INSYN1: variants seen among roughly 807,000 people sequenced by gnomAD.
INSYN1 encodes the protein UPF0583 protein C15orf59.
INSYN1 carries 7 observed loss-of-function variants against 17.1 expected under a neutral mutation model. The observed-to-expected ratio is 0.41, with a 90% CI of 0.23 to 0.77. The LOEUF is 0.77. Ranked by LOEUF, INSYN1 falls within the 30% of genes least tolerant of loss-of-function variation. INSYN1 has a pLI of 0.32. For missense variants in INSYN1, 339 were observed against 400.6 expected, an observed-to-expected ratio of 0.85 and a Z score of 1.31; for synonymous variants, 174 against 166.3, an observed-to-expected ratio of 1.05 and a Z score of -0.36.
rs1901649997 is a variant in INSYN1 at position 73,740,210 on chromosome 15, G to A, written c.589C>T (p.Leu197=). 1 of 1,614,026 alleles carries A rather than the reference G, an allele frequency of 6.2e-7. No individual in the cohort carries two copies. Among genetic ancestry groups the A allele is most frequent in the Admixed American group, 1.7e-5 (1 of 60,008 alleles). The change falls in exon 3 of 3, where the codon CTG becomes TTG. Residue 197 remains leucine (L), a synonymous_variant. Coordinates refer to ENST00000569673, the MANE Select transcript of INSYN1 (RefSeq NM_001039614.3). ...TCCCCCTCCTCATCGTCACAGCACA[G>A]AGCATGGTAGAGCACTTTGTCACTG... ...RFSDKVLYHA[L]CCDDEEGDGE... is the part of the protein sequence containing the mutation.
rs374774515 is a variant in INSYN1 at position 73,751,110 on chromosome 15, C to G, written c.21G>C (p.Pro7=). 1.2e-5 allele frequency: 20 copies of G among 1,613,754 alleles called. No individual in the cohort carries two copies. The highest frequency in any genetic ancestry group is 1.7e-5 in the Non-Finnish European group (20 of 1,180,042). ...GGTCGTCACTGGGCTGCCCGAGGTC[C>G]GGGGCGCCCCGAATGTTCATCGTTT... MNIRGA[P]DLGQPSDDPS... The change falls in exon 2 of 3, where the codon CCG becomes CCC. Residue 7 remains proline (P), a synonymous_variant. Transcript: ENST00000569673.
At chr15:73,749,938 T>C (rs1012179328) in intron 2 of INSYN1, among the ~76,000 whole-genome samples, 9 of 152,012 alleles carry the variant, frequency 5.9e-5, no homozygotes, top group Admixed American at 1.3e-4. Flanking sequence ...CAGCCTGGAG[T>C]TGGTACCTAC....
At chr15:73,743,691 G>A (rs958007155) in intron 2 of INSYN1, among the ~76,000 whole-genome samples, 4 of 151,314 alleles carry the variant, frequency 2.6e-5, no homozygotes, top group Admixed American at 6.6e-5. Flanking sequence ...TTAGCTGGGC[G>A]TGGTGGTGCG....
At chr15:73,745,465 A>G (rs1017880414) in intron 2 of INSYN1, among the ~76,000 whole-genome samples, 1 of 152,068 alleles carries the variant, frequency 6.6e-6, no homozygotes, top group African/African-American at 2.4e-5. Context: ...CTCTCAAAGC[A>G]CCCTGCACCT....
Position 73,740,433 on chromosome 15 carries a change from C to A in INSYN1, c.366G>T (p.Ser122=). ...TCGACTCGGGACCATCCACGGAGTC[C>A]GAGGGGGTAGAGACGTCCAGGAAGG... ...FCSFLDVSTP[S]DSVDGPESTR... The change falls in exon 3 of 3, where the codon TCG becomes TCT. Residue 122 remains serine (S), a synonymous_variant. Coordinates refer to ENST00000569673, the MANE Select transcript of INSYN1 (RefSeq NM_001039614.3). 1 of 1,613,452 alleles carries A rather than the reference C, an allele frequency of 6.2e-7. No individual in the cohort carries two copies. Among genetic ancestry groups the A allele is most frequent in the Non-Finnish European group, 8.5e-7 (1 of 1,179,860 alleles).
rs1901602000 is a variant in INSYN1 at position 73,738,951 on chromosome 15, G to C, written c.*966C>G. 6.6e-6 allele frequency: 1 copy of C among 152,298 alleles called. No individual in the cohort carries two copies. The highest frequency in any genetic ancestry group is 1.5e-5 in the Non-Finnish European group (1 of 68,080). The allele number at this position is 152,298 out of a possible 1,614,324, so 9.4% of individuals were successfully genotyped here. On this transcript the variant is annotated 3_prime_UTR_variant, in exon 3 of 3. Coordinates refer to ENST00000569673, the MANE Select transcript of INSYN1 (RefSeq NM_001039614.3). The stretch of plus-strand genomic sequence containing the variant: ...TAGGCTGTAACCTCATCTTTGTTCA[G>C]GACCTGCTGAGATGGGCTCAGGGGC...
rs567239982 is a variant in INSYN1, at chr15:73,736,956, T to A, written c.*2961A>T. 1 of 152,744 alleles carries A rather than the reference T, an allele frequency of 6.5e-6. No homozygotes were observed. The highest frequency in any genetic ancestry group is 1.5e-5 in the Non-Finnish European group (1 of 68,486). 9.5% of individuals were successfully genotyped at this position (152,744 alleles called of 1,614,324 possible). A position where few individuals can be genotyped will look rare whatever the true frequency, so the allele number is the denominator to read the frequency against. On this transcript the variant is annotated 3_prime_UTR_variant, in exon 3 of 3. Coordinates refer to ENST00000569673, the MANE Select transcript of INSYN1 (RefSeq NM_001039614.3). Reference sequence around the variant, plus strand: ...AAGCCACAGGGATCCCACTCCACTGTCAGGAGGTCCAGACTGGGTGTAGCA... The same window carrying A: ...AAGCCACAGGGATCCCACTCCACTGACAGGAGGTCCAGACTGGGTGTAGCA...
At chr15:73,741,381 T>C (rs1223362498) in intron 2 of INSYN1, among the ~76,000 whole-genome samples, 1 of 152,188 alleles carries the variant, frequency 6.6e-6, no homozygotes, top group Non-Finnish European at 1.5e-5. Flanking sequence ...AAAGAAGCCA[T>C]CTATTCTGGG....
At chr15:73,741,629 A>T (rs1406016070) in intron 2 of INSYN1, among the ~76,000 whole-genome samples, 2 of 152,200 alleles carry the variant, frequency 1.3e-5, no homozygotes, top group African/African-American at 4.8e-5. Context: ...GGGAGAGAGA[A>T]GATTCCAACC....
intron 2 of INSYN1, among the ~76,000 whole-genome samples, chr15:73,743,674 A>T (rs566207660): frequency 1.7e-4 from 26 of 151,500 alleles, no homozygotes; most frequent in Middle Eastern, 3.4e-3. Context: ...AAAATAAATT[A>T]AAAAAATTAG....
chr15:73,743,828 CAAAAAAAAAAAAAA>C (rs71434209), intron 2 of INSYN1, among the ~76,000 whole-genome samples: 28 of 21,292 alleles, frequency 1.3e-3, no homozygotes, highest in Non-Finnish European at 1.5e-3. Context: ...GACTCTGTCT[CAAAAAAAAAAAAAA>C]AAAAAAAAAA....
At position 73,736,855 on chromosome 15, in the gene INSYN1, C is replaced by T. The variant is rs117258613; in HGVS notation, c.*3062G>A. 10,552 of 152,230 alleles carry T rather than the reference C, an allele frequency of 0.069. 414 individuals are homozygous for T. Among genetic ancestry groups the T allele is most frequent in the East Asian group, 0.1 (523 of 5,162 alleles). The allele number at this position is 152,230 out of a possible 1,614,324, so 9.4% of individuals were successfully genotyped here. A position where few individuals can be genotyped will look rare whatever the true frequency, so the allele number is the denominator to read the frequency against. On this transcript the variant is annotated 3_prime_UTR_variant, in exon 3 of 3. Coordinates refer to ENST00000569673, the MANE Select transcript of INSYN1 (RefSeq NM_001039614.3). ...AAGTTGCAGTGAGCTGAAATCGCAC[C>T]ATTGCACTCCAGCCTGGATGATAGA...
intron 2 of INSYN1, among the ~76,000 whole-genome samples, chr15:73,748,319 G>A (rs1467517978): frequency 6.6e-6 from 1 of 152,140 alleles, no homozygotes; most frequent in Non-Finnish European, 1.5e-5. Context: ...GAGGAAGATG[G>A]CTGAGGGGAA....
rs1901983271 is a variant in INSYN1 at position 73,751,480 on chromosome 15, AG to A, written c.-351del. 2 of 312,634 alleles carry A rather than the reference AG, an allele frequency of 6.4e-6. No individual in the cohort carries two copies. The highest frequency in any genetic ancestry group is 6.6e-5 in the East Asian group (1 of 15,104). The allele number at this position is 312,634 out of a possible 1,614,324, so 19.4% of individuals were successfully genotyped here. On this transcript the variant is annotated 5_prime_UTR_variant, in exon 2 of 3. Coordinates refer to ENST00000569673, the MANE Select transcript of INSYN1 (RefSeq NM_001039614.3). ...TCTGCCTGAGCTTGAACACAGAGGC[AG>A]GGGGATGACTCTGCAGGGACTAAGG...
intron 2 of INSYN1, among the ~76,000 whole-genome samples, chr15:73,745,810 A>AAAAACAAAACAAAAC (rs10623860): frequency 0.29 from 42,663 of 149,686 alleles, 6,278 homozygotes; most frequent in Middle Eastern, 0.31. Flanking sequence ...CTCCGTCTCA[A>AAAAACAAAACAAAAC]AAAACAAAAC....
rs901291269 is a variant in INSYN1, at chr15:73,751,246, G to C, written c.-116C>G. ...AGCTCCACATTTTAACGGCCCCCCA[G>C]CCCACCCTGGCCCTGGGCGGCCCTC... On this transcript the variant is annotated 5_prime_UTR_variant, in exon 2 of 3. Coordinates refer to ENST00000569673, the MANE Select transcript of INSYN1 (RefSeq NM_001039614.3). 5 of 1,274,422 alleles carry C rather than the reference G, an allele frequency of 3.9e-6. No homozygotes were observed. Among genetic ancestry groups the C allele is most frequent in the Non-Finnish European group, 5.4e-6 (5 of 925,846 alleles). 78.9% of individuals were successfully genotyped at this position (1,274,422 alleles called of 1,614,324 possible).
chr15:73,748,386 C>T (rs545536720), intron 2 of INSYN1, among the ~76,000 whole-genome samples: 188 of 152,200 alleles, frequency 1.2e-3, no homozygotes, highest in Middle Eastern at 6.8e-3. Context: ...ATATGTGCAG[C>T]CCCCCACCCC....
Position 73,752,925 on chromosome 15 carries a change from G to C in INSYN1, c.-1383C>G, listed in dbSNP as rs1431545139. On this transcript the variant is annotated 5_prime_UTR_variant, in exon 1 of 3. Transcript: ENST00000569673. The surrounding 1 kb of genome is among the most constrained non-coding windows in gnomAD (Gnocchi z 5.2). Reference sequence around the variant, plus strand: ...CAGCGCCGGGCGGAGGAGAGGAGAGGAGGCGAGAAGAGGCGAGGGGAGGAG... The same window carrying C: ...CAGCGCCGGGCGGAGGAGAGGAGAGCAGGCGAGAAGAGGCGAGGGGAGGAG... Among the ~76,000 whole-genome samples, 4 of 149,794 alleles carry C rather than the reference G, an allele frequency of 2.7e-5. No individual in the cohort carries two copies. Among genetic ancestry groups the C allele is most frequent in the African/African-American group, 9.8e-5 (4 of 41,006 alleles).
At chr15:73,740,795 C>T (rs112476481) in intron 2 of INSYN1, among the ~76,000 whole-genome samples, 153 bp from the exon 3 acceptor site, 14 of 152,174 alleles carry the variant, frequency 9.2e-5, no homozygotes, top group Non-Finnish European at 2.9e-5. Context: ...GCCTGGAGGT[C>T]ACAGGTTGGT....
Sources: gnomAD v4.1 joint callset for allele counts (sites outside exome capture counted in the v4.1 genomes callset) on GRCh38, gnomAD v4.1.1 for gene constraint, Gnocchi (gnomAD v3.1) non-coding constraint, MANE v1.5 for transcripts, NCBI Gene and HGNC (gene_info 2026-07-23, HGNC 2026-07-21) for gene names.